RAB31: variants seen among roughly 807,000 people sequenced by gnomAD.
The protein encoded by RAB31 is ras-related protein Rab-31.
In RAB31, 21 loss-of-function variants were observed where a neutral mutation model predicts 25.6. The ratio of observed to expected loss-of-function variants is 0.82; its 90% CI spans 0.58 to 1.18. RAB31 has a LOEUF of 1.18. Among genes scored for constraint, RAB31 ranks in the 50% most tolerant of loss-of-function variants. The pLI is 0.00. For synonymous variants in RAB31, 87 were observed against 84.0 expected (o/e 1.04, Z -0.20); for missense variants, 196 against 250.1 (o/e 0.78, Z 1.46).
intron 5 of RAB31, among the ~76,000 whole-genome samples, chr18:9,842,002 G>T (rs906556833): frequency 1.8e-4 from 28 of 152,024 alleles, no homozygotes; most frequent in Non-Finnish European, 3.1e-4. Context: ...GCTTAGGCCC[G>T]AAACAAAGGC....
intron 2 of RAB31, among the ~76,000 whole-genome samples, chr18:9,790,391 A>AT (rs1271776610): frequency 6.4e-5 from 9 of 140,386 alleles, no homozygotes; most frequent in Non-Finnish European, 9.8e-5. Context: ...TGCTCAGCTG[A>AT]TTTAAAAAAA....
At chr18:9,761,322 T>C (rs977304520) in intron 1 of RAB31, among the ~76,000 whole-genome samples, 3 of 152,178 alleles carry the variant, frequency 2.0e-5, no homozygotes, top group Non-Finnish European at 2.9e-5. Flanking sequence ...AACCTTAATG[T>C]CCTGATTTGC....
chr18:9,842,355 A>G (rs1018736991), intron 5 of RAB31, among the ~76,000 whole-genome samples: 4 of 152,196 alleles, frequency 2.6e-5, no homozygotes, highest in Non-Finnish European at 5.9e-5. Flanking sequence ...AGGATGGTCT[A>G]GGGCCACACG....
At position 9,773,479 on chromosome 18, in the gene RAB31, C is replaced by T. The variant is rs138425240; in HGVS notation, c.40-1799C>T. ...CCTTCCAGTAGGAACATGTTGGCAA[C>T]GGCGATCGGTGTTGATAAAGCCTTG... On this transcript the variant is annotated intron_variant, in intron 1 of 6. Coordinates refer to ENST00000578921, the MANE Select transcript of RAB31 (RefSeq NM_006868.4). Among the ~76,000 whole-genome samples the T allele has an allele frequency of 4.3e-3, 659 of 152,244 alleles. 1 individual carries two copies. The highest frequency in any genetic ancestry group is 7.3e-3 in the Non-Finnish European group (499 of 68,030).
rs979408390 is a variant in RAB31 at position 9,816,735 on chromosome 18, T to G, written c.380+1513T>G. Among the ~76,000 whole-genome samples, 5 of 152,208 alleles carry G rather than the reference T, an allele frequency of 3.3e-5. 1 individual carries two copies. In the South Asian group the frequency reaches 1.0e-3, roughly 31 times the overall value. ...TACCTAGCCTGGTAAGCTAGCTGTTTTGCTAAATAAATACATTATTTAAAA... is the reference window on the plus strand; with the variant it reads ...TACCTAGCCTGGTAAGCTAGCTGTTGTGCTAAATAAATACATTATTTAAAA... On this transcript the variant is annotated intron_variant, in intron 5 of 6. Coordinates refer to ENST00000578921, the MANE Select transcript of RAB31 (RefSeq NM_006868.4).
At chr18:9,756,113 G>A (rs2068259339) in intron 1 of RAB31, among the ~76,000 whole-genome samples, 1 of 152,206 alleles carries the variant, frequency 6.6e-6, no homozygotes, top group African/African-American at 2.4e-5. Context: ...AGAAGGTCAT[G>A]TGAGCATGGT....
chr18:9,765,332 G>A (rs897359022), intron 1 of RAB31, among the ~76,000 whole-genome samples: 1 of 152,278 alleles, frequency 6.6e-6, no homozygotes, highest in Non-Finnish European at 1.5e-5. Context: ...AACAGGCCTG[G>A]AGTTGCATTT....
chr18:9,724,198 G>T (rs4798830), intron 1 of RAB31, among the ~76,000 whole-genome samples: 105,536 of 137,332 alleles, frequency 0.77, 40,807 homozygotes, highest in East Asian at 0.86. Flanking sequence ...GTGAACCCGG[G>T]AGGCGGAGCT....
chr18:9,765,721 T>A (rs1372226886), intron 1 of RAB31, among the ~76,000 whole-genome samples: 1 of 152,182 alleles, frequency 6.6e-6, no homozygotes, highest in Non-Finnish European at 1.5e-5. Flanking sequence ...CCGATCTCTT[T>A]GACACAAAGG....
intron 1 of RAB31, among the ~76,000 whole-genome samples, chr18:9,729,897 T>C (rs7228240): frequency 0.3 from 45,519 of 152,164 alleles, 8,178 homozygotes; most frequent in African/African-American, 0.49. Context: ...CTTCTCTTGA[T>C]GTACTTCTCA....
At chr18:9,832,934 A>T (rs1414034693) in intron 5 of RAB31, among the ~76,000 whole-genome samples, 1 of 152,132 alleles carries the variant, frequency 6.6e-6, no homozygotes, top group African/African-American at 2.4e-5. Context: ...CCAAAACTGC[A>T]GCTGAGGGTT....
intron 1 of RAB31, among the ~76,000 whole-genome samples, chr18:9,768,635 A>G (rs993875580): frequency 6.6e-6 from 1 of 151,970 alleles, no homozygotes; most frequent in Non-Finnish European, 1.5e-5. Context: ...TTTTTCTCCC[A>G]TTCTGTAAGT....
intron 5 of RAB31, among the ~76,000 whole-genome samples, chr18:9,837,075 A>G (rs1389372187): frequency 6.6e-6 from 1 of 150,814 alleles, no homozygotes; most frequent in East Asian, 2.0e-4. Flanking sequence ...AGACACATGA[A>G]GAGAGTCAGT....
intron 1 of RAB31, among the ~76,000 whole-genome samples, chr18:9,752,546 C>G (rs2068240872): frequency 6.6e-6 from 1 of 152,164 alleles, no homozygotes; most frequent in Admixed American, 6.5e-5. Flanking sequence ...TTTAAATGGA[C>G]AAAACTGTGC....
intron 5 of RAB31, among the ~76,000 whole-genome samples, chr18:9,823,451 C>G (rs2068633566): frequency 6.6e-6 from 1 of 152,072 alleles, no homozygotes; most frequent in Non-Finnish European, 1.5e-5. Context: ...TAGAATGCAT[C>G]AATGACAATG....
intron 5 of RAB31, among the ~76,000 whole-genome samples, chr18:9,837,722 A>G (rs2068712586): frequency 6.6e-6 from 1 of 152,262 alleles, no homozygotes; most frequent in Admixed American, 6.5e-5. Context: ...CCATCCTTGA[A>G]TAAAAGTTTC....
At chr18:9,835,946 G>A (rs1384360940) in intron 5 of RAB31, among the ~76,000 whole-genome samples, 1 of 152,026 alleles carries the variant, frequency 6.6e-6, no homozygotes, top group Non-Finnish European at 1.5e-5. Flanking sequence ...GTGCTTGCCG[G>A]AACGGGGCCT....
chr18:9,807,177 T>C (rs536188107), intron 3 of RAB31, among the ~76,000 whole-genome samples: 1 of 152,330 alleles, frequency 6.6e-6, no homozygotes, highest in South Asian at 2.1e-4. Flanking sequence ...TCTAGGGCTC[T>C]AGGCACATGG....
intron 2 of RAB31, among the ~76,000 whole-genome samples, chr18:9,780,856 G>A (rs551752384): frequency 3.3e-5 from 5 of 152,214 alleles, no homozygotes; most frequent in East Asian, 1.9e-4. Flanking sequence ...GCTCGAACCC[G>A]GGAGGCAAAG....
Sources: gnomAD v4.1 joint callset for allele counts (sites outside exome capture counted in the v4.1 genomes callset) on GRCh38, gnomAD v4.1.1 for gene constraint, MANE v1.5 for transcripts, NCBI Gene and HGNC (gene_info 2026-07-23, HGNC 2026-07-21) for gene names.